The following ZFPM1 variants were observed in gnomAD, a reference collection of about 807,000 sequenced individuals.
ZFPM1 encodes the protein zinc finger protein, FOG family member 1, also known as zinc finger protein ZFPM1.
In ZFPM1, 28 loss-of-function variants were observed where a neutral mutation model predicts 46.3. That is an observed-to-expected ratio of 0.60 (90% CI 0.45 to 0.83). ZFPM1 has a LOEUF of 0.83. Among genes scored for constraint, ZFPM1 ranks in the 40% least tolerant of loss-of-function variants. The pLI is 0.00. For synonymous variants in ZFPM1, 957 were observed against 675.9 expected (o/e 1.42, Z -6.45); for missense variants, 1,878 against 1,432.4 (o/e 1.31, Z -5.02).
intron 4 of ZFPM1, among the ~76,000 whole-genome samples, chr16:88,519,431 G>A (rs779666761): frequency 6.6e-6 from 1 of 151,416 alleles, no homozygotes; most frequent in South Asian, 2.1e-4. Flanking sequence ...ATGGATGGAT[G>A]GATGGATAGA....
At chr16:88,531,955 T>TGGCAGGCTGGCC in intron 6 of ZFPM1, 47 bp from the exon 7 acceptor site, 4 of 1,530,942 alleles carry the variant, frequency 2.6e-6, no homozygotes, top group Non-Finnish European at 3.5e-6. Flanking sequence ...TTGCCCTGGC[T>TGGCAGGCTGGCC]GGCAGGCTGG....
chr16:88,502,697 T>C (rs1910435211), intron 3 of ZFPM1, among the ~76,000 whole-genome samples: 4 of 152,206 alleles, frequency 2.6e-5, no homozygotes, highest in African/African-American at 9.6e-5. Context: ...CTGCTTCCCT[T>C]GACTCAGCAG....
intron 1 of ZFPM1, among the ~76,000 whole-genome samples, chr16:88,484,520 C>T (rs754164279): frequency 3.3e-5 from 5 of 152,194 alleles, no homozygotes; most frequent in East Asian, 1.9e-4. Flanking sequence ...GCTTGGCGGC[C>T]GCAGGACCTG....
At position 88,532,837 on chromosome 16, in the gene ZFPM1, A is replaced by G; in HGVS notation, c.1091A>G (p.Tyr364Cys). ...GFISTTRDIL[Y>C]SHLVTNHMVC... ...ATCTCCACCACAAGGGACATCCTCT[A>G]CAGCCACTTGGTCACCAACCACATG... Residue 364 changes from tyrosine to cysteine, a missense_variant, in exon 9 of 10, where the codon TAC becomes TGC. Coordinates refer to ENST00000319555, the MANE Select transcript of ZFPM1 (RefSeq NM_153813.3). The G allele has an allele frequency of 3.7e-6, 6 of 1,613,348 alleles. No individual in the cohort carries two copies. Among genetic ancestry groups the G allele is most frequent in the Non-Finnish European group, 5.1e-6 (6 of 1,179,952 alleles).
At chr16:88,524,162 T>G (rs1912131344) in intron 4 of ZFPM1, among the ~76,000 whole-genome samples, 1 of 152,162 alleles carries the variant, frequency 6.6e-6, no homozygotes, top group Non-Finnish European at 1.5e-5. Flanking sequence ...GCAGATTAAT[T>G]TTTTTCACCC....
At chr16:88,527,551 C>T (rs1912441071) in intron 5 of ZFPM1, among the ~76,000 whole-genome samples, 1 of 152,112 alleles carries the variant, frequency 6.6e-6, no homozygotes, top group African/African-American at 2.4e-5. Context: ...GAGGGCGGCA[C>T]CGCAGGGGAC....
chr16:88,460,914 CCGAGGGGCGGGGCGGGAGGCCTGG>C (rs1907793213), intron 1 of ZFPM1, among the ~76,000 whole-genome samples: 1 of 104,518 alleles, frequency 9.6e-6, no homozygotes, highest in African/African-American at 4.0e-5. Flanking sequence ...CTGGTGAGGA[CCGAGGGGCGGGGCGGGAGGCCTGG>C]TGATGACCGA....
chr16:88,492,684 C>T (rs1017226537), intron 3 of ZFPM1, among the ~76,000 whole-genome samples: 4 of 152,222 alleles, frequency 2.6e-5, no homozygotes, highest in Non-Finnish European at 4.4e-5. Flanking sequence ...AGAAGGTGGA[C>T]GGTGTTAGCC....
chr16:88,533,904 G>A lies in ZFPM1; in HGVS notation c.1946G>A (p.Gly649Glu), dbSNP rs1164168356. The change falls in exon 10 of 10, where the codon GGG (glycine) becomes GAG (glutamate). Residue 649 changes from glycine (G) to glutamate (E), a missense_variant. By Grantham distance (98) the Gly-to-Glu change is moderately conservative. Transcript: ENST00000319555. ...CCCGGAGCGCGCGAGGAGGGGGCTGGGGGCGCGGCCACGCCCGAGGACGGC... is the reference window on the plus strand; with the variant it reads ...CCCGGAGCGCGCGAGGAGGGGGCTGAGGGCGCGGCCACGCCCGAGGACGGC... ...PGPGAREEGA[G>E]GAATPEDGAG... 9.1e-7 allele frequency: 1 copy of A among 1,094,954 alleles called. No individual in the cohort carries two copies. Among genetic ancestry groups the A allele is most frequent in the South Asian group, 2.2e-5 (1 of 46,164 alleles). The allele number at this position is 1,094,954 out of a possible 1,614,324, so 67.8% of individuals were successfully genotyped here.
intron 3 of ZFPM1, among the ~76,000 whole-genome samples, chr16:88,501,644 C>T (rs1910336758): frequency 7.2e-6 from 1 of 138,262 alleles, no homozygotes; most frequent in Non-Finnish European, 1.6e-5. Context: ...GGTGCGTGGG[C>T]CATCGCGCAG....
intron 4 of ZFPM1, among the ~76,000 whole-genome samples, chr16:88,524,820 A>G (rs898099083): frequency 1.3e-5 from 2 of 152,058 alleles, no homozygotes; most frequent in South Asian, 2.1e-4. Context: ...TGTCCCCCCA[A>G]CAGCCATGTG....
At chr16:88,482,796 C>T (rs1909008981) in intron 1 of ZFPM1, among the ~76,000 whole-genome samples, 1 of 152,180 alleles carries the variant, frequency 6.6e-6, no homozygotes, top group Non-Finnish European at 1.5e-5. Flanking sequence ...ATGCCAGCCA[C>T]AGAAAGCCCG....
chr16:88,505,107 G>A (rs907201739), intron 3 of ZFPM1, among the ~76,000 whole-genome samples: 6 of 152,254 alleles, frequency 3.9e-5, no homozygotes, highest in African/African-American at 1.4e-4. Context: ...GGCACCAGCT[G>A]GCGGGTGGGC....
In ZFPM1 at chr16:88,472,631, C is replaced by T. The variant is rs148843075; in HGVS notation, c.41-13308C>T. ...CCTCCCAAAGTGCTGGGATTACAAGCGTGAGCCACTGCGCCCGGCCTGAAT... is the reference window on the plus strand; with the variant it reads ...CCTCCCAAAGTGCTGGGATTACAAGTGTGAGCCACTGCGCCCGGCCTGAAT... On this transcript the variant is annotated intron_variant, in intron 1 of 9. Coordinates refer to ENST00000319555, the MANE Select transcript of ZFPM1 (RefSeq NM_153813.3). Among the ~76,000 whole-genome samples the T allele has an allele frequency of 4.7e-3, 717 of 152,288 alleles. 6 individuals are homozygous for T. The highest frequency in any genetic ancestry group is 0.016 in the African/African-American group (672 of 41,562).
At chr16:88,506,936 G>A (rs928002989) in intron 3 of ZFPM1, among the ~76,000 whole-genome samples, 3 of 152,238 alleles carry the variant, frequency 2.0e-5, no homozygotes, top group Non-Finnish European at 2.9e-5. Context: ...CGCATGTCAC[G>A]TTGTTCCTTC....
At position 88,516,178 on chromosome 16, in the gene ZFPM1, G is replaced by A. The variant is rs1911284100; in HGVS notation, c.402+1658G>A. On this transcript the variant is annotated intron_variant, in intron 4 of 9. Transcript: ENST00000319555. The stretch of plus-strand genomic sequence containing the variant: ...AAATACCCAGGATCAAACAGCAGAG[G>A]GAGAAATAGAACCCACATCTGCCTA... 7.5e-6 allele frequency: 3 copies of A among 398,666 alleles called. No homozygotes were observed. The East Asian group carries it at 1.1e-4, about 14-fold the overall frequency. 24.7% of individuals were successfully genotyped at this position (398,666 alleles called of 1,614,324 possible).
intron 1 of ZFPM1, among the ~76,000 whole-genome samples, chr16:88,455,441 G>T (rs1457998534): frequency 6.6e-6 from 1 of 151,874 alleles, no homozygotes; most frequent in African/African-American, 2.4e-5. Context: ...TGTCGCTCGC[G>T]GCCCGGGGCG....
chr16:88,513,217 C>T (rs1430574814), intron 3 of ZFPM1: 1 of 152,250 alleles, frequency 6.6e-6, no homozygotes, highest in Admixed American at 6.5e-5. Flanking sequence ...CTGCTGCCCC[C>T]AGTCCGCTCT....
chr16:88,464,074 C>T (rs1320923613), intron 1 of ZFPM1, among the ~76,000 whole-genome samples: 1 of 152,232 alleles, frequency 6.6e-6, no homozygotes, highest in Non-Finnish European at 1.5e-5. Flanking sequence ...ATCGGTCAAT[C>T]CTTGGGGGCT....
Sources: gnomAD v4.1 joint callset for allele counts (sites outside exome capture counted in the v4.1 genomes callset) on GRCh38, gnomAD v4.1.1 for gene constraint, MANE v1.5 for transcripts, NCBI Gene and HGNC (gene_info 2026-07-23, HGNC 2026-07-21) for gene names.